Variants in SLC12A8 observed in about 807,000 individuals in gnomAD.
The protein encoded by SLC12A8 is solute carrier family 12 member 8.
In SLC12A8, 69 loss-of-function variants were observed where a neutral mutation model predicts 75.6. That is an observed-to-expected ratio of 0.91 (90% confidence interval 0.75 to 1.11). The LOEUF is 1.11. SLC12A8 is among the 50% of genes most tolerant of loss of function. The pLI is 0.00. For missense variants in SLC12A8, 877 were observed against 896.7 expected, an observed-to-expected ratio of 0.98 and a Z score of 0.28; for synonymous variants, 365 against 372.8, an observed-to-expected ratio of 0.98 and a Z score of 0.24.
At chr3:125,198,343 G>T (rs1935045846) in intron 2 of SLC12A8, among the ~76,000 whole-genome samples, 1 of 151,528 alleles carries the variant, frequency 6.6e-6, no homozygotes, top group Non-Finnish European at 1.5e-5. Context: ...TAAAGAGATT[G>T]TCACAACTGG....
intron 2 of SLC12A8, among the ~76,000 whole-genome samples, chr3:125,209,776 A>G (rs1036819364): frequency 1.3e-5 from 2 of 152,372 alleles, no homozygotes; most frequent in African/African-American, 4.8e-5. Context: ...GGCGGCCAAG[A>G]TGAGGAGTCT....
intron 5 of SLC12A8, among the ~76,000 whole-genome samples, chr3:125,163,091 C>T (rs1934209724): frequency 6.6e-6 from 1 of 151,902 alleles, no homozygotes; most frequent in African/African-American, 2.4e-5. Flanking sequence ...ACTATTTGAG[C>T]CCAGGAGTTC....
At chr3:125,202,854 A>T (rs667718) in intron 2 of SLC12A8, among the ~76,000 whole-genome samples, 1 of 151,760 alleles carries the variant, frequency 6.6e-6, no homozygotes, top group South Asian at 2.1e-4. Flanking sequence ...TTGGGAGGCC[A>T]AGGCGGGCGG....
intron 5 of SLC12A8, among the ~76,000 whole-genome samples, chr3:125,163,944 G>A (rs1002675234): frequency 2.0e-5 from 3 of 152,210 alleles, no homozygotes; most frequent in African/African-American, 7.2e-5. Context: ...CCTGCCTGAC[G>A]TGGGACTTGA....
intron 6 of SLC12A8, among the ~76,000 whole-genome samples, chr3:125,133,009 G>A (rs889819269): frequency 3.9e-5 from 6 of 152,292 alleles, no homozygotes; most frequent in African/African-American, 1.4e-4. Flanking sequence ...GCTGCATTTA[G>A]TAACAAGGAA....
rs747959555 is a variant in SLC12A8 at position 125,128,181 on chromosome 3, TTA to T, written c.736+7486_736+7487del. On this transcript the variant is annotated intron_variant, in intron 6 of 13. Transcript: ENST00000469902. ...CACCGTGCCCGGCCTAAGCTTATTT[TTA>T]TTTTTTTTTTTTTTTGAGACGGAGT... Among the ~76,000 whole-genome samples the T allele has an allele frequency of 5.3e-4, 60 of 112,332 alleles. 8 individuals are homozygous for T. Among genetic ancestry groups the T allele is most frequent in the African/African-American group, 6.8e-4 (12 of 17,648 alleles). The allele number at this position is 112,332 out of a possible 152,430, so 73.7% of individuals were successfully genotyped here.
At chr3:125,154,002 C>T (rs1476483018) in intron 5 of SLC12A8, among the ~76,000 whole-genome samples, 1 of 152,188 alleles carries the variant, frequency 6.6e-6, no homozygotes, top group East Asian at 1.9e-4. Flanking sequence ...CCCACCTTGG[C>T]CTCCCAAAGT....
At chr3:125,152,920 G>A (rs1416840850) in intron 5 of SLC12A8, among the ~76,000 whole-genome samples, 2 of 152,032 alleles carry the variant, frequency 1.3e-5, no homozygotes, top group South Asian at 2.1e-4. Flanking sequence ...CTGGCACCCC[G>A]TAGGCTTTGA....
intron 6 of SLC12A8, among the ~76,000 whole-genome samples, chr3:125,121,608 C>G (rs974769967): frequency 2.0e-5 from 3 of 152,188 alleles, no homozygotes; most frequent in African/African-American, 7.2e-5. Flanking sequence ...GTTTAATTCT[C>G]ATAACAACCT....
At position 125,173,838 on chromosome 3, in the gene SLC12A8, C is replaced by G. The variant is rs183152121; in HGVS notation, c.622+3905G>C. ...GGGCGCAGTGGCTCACGCCTATAAT[C>G]CCAGCACTTTGGGAGGCTGAGGCGG... is the stretch of plus-strand genomic sequence containing the variant. On this transcript the variant is annotated intron_variant, in intron 5 of 13. Coordinates refer to ENST00000469902, the MANE Select transcript of SLC12A8 (RefSeq NM_024628.6). Among the ~76,000 whole-genome samples the G allele has an allele frequency of 2.5e-3, 381 of 152,356 alleles. 1 individual carries two copies. Among genetic ancestry groups the G allele is most frequent in the African/African-American group, 8.5e-3 (353 of 41,592 alleles).
intron 6 of SLC12A8, among the ~76,000 whole-genome samples, chr3:125,133,470 T>C (rs1466663095): frequency 6.6e-6 from 1 of 151,846 alleles, no homozygotes; most frequent in Non-Finnish European, 1.5e-5. Flanking sequence ...CCTCCCAGGA[T>C]CAAGCAGTCC....
intron 6 of SLC12A8, among the ~76,000 whole-genome samples, chr3:125,127,016 A>G (rs1579489523): frequency 6.6e-6 from 1 of 152,302 alleles, no homozygotes; most frequent in East Asian, 1.9e-4. Flanking sequence ...TGAAGTTGGA[A>G]CAGATATTCA....
chr3:125,190,039 GA>G (rs1934877692), intron 3 of SLC12A8, among the ~76,000 whole-genome samples: 1 of 152,008 alleles, frequency 6.6e-6, no homozygotes, highest in African/African-American at 2.4e-5. Flanking sequence ...AGAATACCGG[GA>G]AAACTACAGA....
intron 4 of SLC12A8, among the ~76,000 whole-genome samples, chr3:125,186,338 C>T (rs538836284): frequency 3.9e-5 from 6 of 152,194 alleles, no homozygotes; most frequent in South Asian, 2.1e-4. Flanking sequence ...GCACCCCCAC[C>T]GCCCACACAT....
intron 5 of SLC12A8, among the ~76,000 whole-genome samples, chr3:125,142,655 G>A (rs559999067): frequency 1.1e-4 from 16 of 152,224 alleles, no homozygotes; most frequent in South Asian, 4.1e-4. Flanking sequence ...GCTTTGAAAC[G>A]CAAATTTTGA....
chr3:125,091,389 A>G, intron 12 of SLC12A8, 50 bp downstream of exon 12: 1 of 1,204,032 alleles, frequency 8.3e-7, no homozygotes, highest in Non-Finnish European at 1.2e-6. Flanking sequence ...TTTCCCAATG[A>G]ATGGTAGAGA....
intron 6 of SLC12A8, among the ~76,000 whole-genome samples, chr3:125,132,272 A>C (rs1453896640): frequency 6.6e-6 from 1 of 152,196 alleles, no homozygotes; most frequent in Non-Finnish European, 1.5e-5. Flanking sequence ...ATAAAAATGA[A>C]AGCGACGCAC....
intron 11 of SLC12A8, 39 bp from the exon 12 acceptor site, chr3:125,091,595 C>A: frequency 7.2e-7 from 1 of 1,395,530 alleles, no homozygotes; most frequent in Non-Finnish European, 1.0e-6. Flanking sequence ...CACCTAATGG[C>A]TTTCTACATG....
At chr3:125,088,776 C>CT (rs1259493973) in intron 12 of SLC12A8, among the ~76,000 whole-genome samples, 2 of 152,156 alleles carry the variant, frequency 1.3e-5, no homozygotes, top group African/African-American at 2.4e-5. Context: ...GGGAACATGT[C>CT]TTTTTCATCC....
Sources: allele counts gnomAD v4.1 joint callset (sites outside exome capture counted in the v4.1 genomes callset), GRCh38; gene constraint gnomAD v4.1.1; transcripts MANE v1.5; gene names NCBI Gene and HGNC (gene_info 2026-07-23, HGNC 2026-07-21).